FRMD3: variants seen among roughly 807,000 people sequenced by gnomAD.
The protein encoded by FRMD3 is FERM domain containing 3, also known as FERM domain-containing protein 3.
A neutral mutation model predicts 70.2 loss-of-function variants in FRMD3; 33 were observed. That is an observed-to-expected ratio of 0.47 (90% CI 0.36 to 0.63). The LOEUF is 0.63. FRMD3 is among the 20% of genes least tolerant of loss of function. FRMD3 has a pLI of 0.00. For missense variants in FRMD3, 632 were observed against 711.4 expected (o/e 0.89, Z 1.27); for synonymous variants, 279 against 255.9 (o/e 1.09, Z -0.86).
chr9:83,430,949 T>G (rs1826957880), intron 1 of FRMD3, among the ~76,000 whole-genome samples: 1 of 152,236 alleles, frequency 6.6e-6, no homozygotes, highest in East Asian at 1.9e-4. Context: ...ATCACCTATC[T>G]GACCCCTGTA....
intron 1 of FRMD3, among the ~76,000 whole-genome samples, chr9:83,510,719 G>T (rs1829319910): frequency 6.6e-6 from 1 of 152,198 alleles, no homozygotes; most frequent in Non-Finnish European, 1.5e-5. Flanking sequence ...CACTAAACAT[G>T]AGTGAACCTT....
intron 3 of FRMD3, among the ~76,000 whole-genome samples, chr9:83,351,465 C>G (rs1485224113): frequency 6.7e-6 from 1 of 148,674 alleles, no homozygotes; most frequent in Non-Finnish European, 1.5e-5. Flanking sequence ...AGAAAAGAAC[C>G]TTTTTTTTTT....
In FRMD3 at chr9:83,302,228, T is replaced by C. The variant is rs1019608105; in HGVS notation, c.927-3042A>G. Among the ~76,000 whole-genome samples, 9 of 152,082 alleles carry C rather than the reference T, an allele frequency of 5.9e-5. No homozygotes were observed. In the South Asian group the frequency reaches 1.9e-3, roughly 32 times the overall value. ...CTGGAGTAGGTATAAAAAACACAGG[T>C]TCTCAGGCTTGATCATGAGAGATTC... On this transcript the variant is annotated intron_variant, in intron 10 of 13. Coordinates refer to ENST00000304195, the MANE Select transcript of FRMD3 (RefSeq NM_174938.6).
intron 2 of FRMD3, among the ~76,000 whole-genome samples, chr9:83,384,856 A>T (rs1039218674): frequency 2.0e-5 from 3 of 152,196 alleles, no homozygotes; most frequent in Admixed American, 1.3e-4. Flanking sequence ...GCAATTCCAA[A>T]GTTAAAACCA....
the FRMD3 span, among the ~76,000 whole-genome samples, chr9:83,548,555 T>C: frequency 2.6e-5 from 4 of 152,106 alleles, no homozygotes; most frequent in African/African-American, 9.7e-5. Flanking sequence ...AAAAGATTAG[T>C]AATTACCATG....
At chr9:83,373,636 C>T (rs932321669) in intron 2 of FRMD3, among the ~76,000 whole-genome samples, 1 of 56,214 alleles carries the variant, frequency 1.8e-5, no homozygotes, top group East Asian at 3.6e-4. Context: ...CTCTCTACAG[C>T]ACATACAAAG....
intron 1 of FRMD3, among the ~76,000 whole-genome samples, chr9:83,412,013 A>C (rs903787032): frequency 2.6e-5 from 4 of 152,214 alleles, no homozygotes; most frequent in African/African-American, 9.7e-5. Context: ...TCAGGCAGCA[A>C]AGTAGACAAA....
At chr9:83,413,141 G>T (rs1002888321) in intron 1 of FRMD3, among the ~76,000 whole-genome samples, 1 of 152,124 alleles carries the variant, frequency 6.6e-6, no homozygotes, top group South Asian at 2.1e-4. Context: ...AAGTCAATTC[G>T]TTCTGCTATG....
chr9:83,564,825 C>A, the FRMD3 span, among the ~76,000 whole-genome samples: 13 of 152,270 alleles, frequency 8.5e-5, no homozygotes, highest in African/African-American at 2.6e-4. Context: ...CGACGTGCAT[C>A]CCAGGAAACA....
chr9:83,413,009 G>A (rs1347328933), intron 1 of FRMD3, among the ~76,000 whole-genome samples: 1 of 151,802 alleles, frequency 6.6e-6, no homozygotes, highest in East Asian at 1.9e-4. Flanking sequence ...ATAAAAAAAG[G>A]AGAGAAAGAA....
At chr9:83,377,201 C>A (rs1364565803) in intron 2 of FRMD3, among the ~76,000 whole-genome samples, 2 of 152,090 alleles carry the variant, frequency 1.3e-5, no homozygotes, top group African/African-American at 4.8e-5. Context: ...AATATGTTTT[C>A]TTTCAAAATA....
chr9:83,272,869 AC>A (rs1833634832), intron 13 of FRMD3, among the ~76,000 whole-genome samples: 1 of 121,498 alleles, frequency 8.2e-6, no homozygotes, highest in East Asian at 2.5e-4. Flanking sequence ...CTGCCCGGCC[AC>A]CCCGTCCGAG....
chr9:83,559,739 T>C, the FRMD3 span, among the ~76,000 whole-genome samples: 3 of 152,316 alleles, frequency 2.0e-5, no homozygotes, highest in Non-Finnish European at 2.9e-5. Flanking sequence ...TATACATAAA[T>C]TTGTCAAAAG....
chr9:83,451,706 A>G (rs571817065), intron 1 of FRMD3, among the ~76,000 whole-genome samples: 101 of 152,252 alleles, frequency 6.6e-4, no homozygotes, highest in African/African-American at 2.4e-3. Context: ...CCCCTCACTC[A>G]CCCAAAATGA....
intron 1 of FRMD3, among the ~76,000 whole-genome samples, chr9:83,504,581 A>C (rs1486185078): frequency 1.7e-5 from 2 of 119,922 alleles, no homozygotes; most frequent in African/African-American, 6.7e-5. Flanking sequence ...TTCTTCTCCC[A>C]GGTATTCATT....
chr9:83,562,275 T>C, the FRMD3 span, among the ~76,000 whole-genome samples: 2 of 152,204 alleles, frequency 1.3e-5, 1 homozygote, highest in African/African-American at 4.8e-5. Context: ...CCTTGACTAC[T>C]TGAAATTTGT....
At chr9:83,422,459 G>A (rs951461495) in intron 1 of FRMD3, among the ~76,000 whole-genome samples, 6 of 152,184 alleles carry the variant, frequency 3.9e-5, no homozygotes, top group Admixed American at 6.5e-5. Context: ...AACATAAGGC[G>A]ATGACAAGCT....
At chr9:83,287,636 C>A (rs1313538060) in intron 13 of FRMD3, among the ~76,000 whole-genome samples, 2 of 152,226 alleles carry the variant, frequency 1.3e-5, no homozygotes, top group African/African-American at 4.8e-5. Context: ...CACACTCACA[C>A]CTCATGCAGG....
In FRMD3 at chr9:83,362,491, T is replaced by C. The variant is rs1422589097; in HGVS notation, c.295+10422A>G. ...GTGTTATGCAGAGGCTGGGGGTTCC[T>C]GCCTACCCTGATTTGCATGCAGAAG... On this transcript the variant is annotated intron_variant, in intron 3 of 13. Coordinates refer to ENST00000304195, the MANE Select transcript of FRMD3 (RefSeq NM_174938.6). Among the ~76,000 whole-genome samples the C allele has an allele frequency of 4.6e-5, 7 of 152,286 alleles. No individual in the cohort carries two copies. The South Asian group carries it at 1.5e-3, about 32-fold the overall frequency.
Sources: gnomAD v4.1 joint callset for allele counts (sites outside exome capture counted in the v4.1 genomes callset) on GRCh38, gnomAD v4.1.1 for gene constraint, MANE v1.5 for transcripts, NCBI Gene and HGNC (gene_info 2026-07-23, HGNC 2026-07-21) for gene names.